Variants in OSBPL5 observed in about 807,000 individuals in gnomAD.
OSBPL5 encodes oxysterol binding protein like 5, also known as oxysterol-binding protein-related protein 5.
A neutral mutation model predicts 111.2 loss-of-function variants in OSBPL5; 71 were observed. That is an observed-to-expected ratio of 0.64 (90% confidence interval 0.53 to 0.78). The LOEUF is 0.78. OSBPL5 is among the 30% of genes least tolerant of loss of function. OSBPL5 has a pLI of 0.00. For missense variants in OSBPL5, 1,210 were observed against 1,189.3 expected (o/e 1.02, Z -0.26); for synonymous variants, 549 against 513.9 (o/e 1.07, Z -0.93).
At chr11:3,133,676 G>A (rs1562359) in intron 1 of OSBPL5, among the ~76,000 whole-genome samples, 3,668 of 152,298 alleles carry the variant, frequency 0.024, 176 homozygotes, top group African/African-American at 0.084. Flanking sequence ...ACCCTTTTCC[G>A]CCACTGTGCA....
chr11:3,129,201 T>C lies in OSBPL5; in HGVS notation c.-21-32A>G, dbSNP rs1590692683. On this transcript the variant is annotated intron_variant, in intron 1 of 21. Transcript: ENST00000263650. The stretch of plus-strand genomic sequence containing the variant: ...GGAAGGAAGGAGGGGCAGCAGGAGG[T>C]CACCGCCCCGGAAGGGGCTTCAGAG... 2.9e-6 allele frequency: 4 copies of C among 1,359,372 alleles called. No homozygotes were observed. The Admixed American group carries it at 1.1e-4, about 37-fold the overall frequency. The allele number at this position is 1,359,372 out of a possible 1,614,324, so 84.2% of individuals were successfully genotyped here. A position where few individuals can be genotyped will look rare whatever the true frequency, so the allele number is the denominator to read the frequency against.
chr11:3,089,940 T>C lies in OSBPL5; in HGVS notation c.2407A>G (p.Ser803Gly). 1 of 1,550,296 alleles carries C rather than the reference T, an allele frequency of 6.5e-7. No homozygotes were observed. Among genetic ancestry groups the C allele is most frequent in the Non-Finnish European group, 8.7e-7 (1 of 1,145,968 alleles). ...QDGDFVPGGESPCPRCRKEAR... is the reference protein window; with the variant it reads ...QDGDFVPGGEGPCPRCRKEAR... ...TCCTTCCTGCACCGAGGGCATGGGCTCTCACCGCCTGGGACGGCCCCGAGT... is the reference window on the plus strand; with the variant it reads ...TCCTTCCTGCACCGAGGGCATGGGCCCTCACCGCCTGGGACGGCCCCGAGT... The change falls in exon 21 of 22, where the codon AGC (serine) becomes GGC (glycine). Residue 803 changes from serine (S) to glycine (G), a missense_variant. By Grantham distance (56) the Ser-to-Gly change is moderately conservative. Coordinates refer to ENST00000263650, the MANE Select transcript of OSBPL5 (RefSeq NM_020896.4).
intron 3 of OSBPL5, 84 bp from the exon 4 acceptor site, chr11:3,122,512 A>G (rs935807695): frequency 1.6e-6 from 2 of 1,279,010 alleles, no homozygotes; most frequent in Non-Finnish European, 2.2e-6. Flanking sequence ...TGCCAAGGAT[A>G]TGAGGGCAGA....
chr11:3,140,349 G>A lies in OSBPL5; in HGVS notation c.-21-11180C>T, dbSNP rs1485221981. ...AAGCTCTCCCCTGTATCCCTCAGGT[G>A]CTGGACAGGCAGGGTAGGGCTCACA... is the stretch of plus-strand genomic sequence containing the variant. On this transcript the variant is annotated intron_variant, in intron 1 of 21. Coordinates refer to ENST00000263650, the MANE Select transcript of OSBPL5 (RefSeq NM_020896.4). The surrounding 1 kb of genome is among the most constrained non-coding windows in gnomAD (Gnocchi z 4.5). Among the ~76,000 whole-genome samples, 1 of 152,188 alleles carries A rather than the reference G, an allele frequency of 6.6e-6. No homozygotes were observed. The highest frequency in any genetic ancestry group is 6.5e-5 in the Admixed American group (1 of 15,286).
At chr11:3,138,947 C>A (rs574896677) in intron 1 of OSBPL5, among the ~76,000 whole-genome samples, 3 of 152,248 alleles carry the variant, frequency 2.0e-5, no homozygotes, top group Non-Finnish European at 4.4e-5. Context: ...AAGACCAGAG[C>A]AAAACAAAGA....
intron 14 of OSBPL5, among the ~76,000 whole-genome samples, chr11:3,095,428 G>A (rs1425881150): frequency 6.6e-6 from 1 of 152,136 alleles, no homozygotes; most frequent in Non-Finnish European, 1.5e-5. Flanking sequence ...CGGGAGAAAT[G>A]GTCGATTTGA....
At chr11:3,095,310 C>CAAAAAA (rs60973769) in intron 14 of OSBPL5, among the ~76,000 whole-genome samples, 3 of 105,676 alleles carry the variant, frequency 2.8e-5, no homozygotes, top group Non-Finnish European at 5.8e-5. Flanking sequence ...GACTCTGTCT[C>CAAAAAA]AAAAAAAAAA....
At chr11:3,112,725 T>C (rs1858048665) in intron 7 of OSBPL5, among the ~76,000 whole-genome samples, 1 of 152,160 alleles carries the variant, frequency 6.6e-6, no homozygotes, top group Admixed American at 6.5e-5. Context: ...CTACATAAAA[T>C]TGGTCTCCTT....
rs1047405097 is a variant in OSBPL5 at position 3,142,739 on chromosome 11, G to A, written c.-21-13570C>T. ...TGTCCGCGGGGCCCGGCAGGAAGTC[G>A]TGTGCAGGGGTGGAGGCTGGAAGAC... is the stretch of plus-strand genomic sequence containing the variant. On this transcript the variant is annotated intron_variant, in intron 1 of 21. Coordinates refer to ENST00000263650, the MANE Select transcript of OSBPL5 (RefSeq NM_020896.4). The surrounding 1 kb of genome is among the most constrained non-coding windows in gnomAD (Gnocchi z 7.1). Among the ~76,000 whole-genome samples, 2 of 152,072 alleles carry A rather than the reference G, an allele frequency of 1.3e-5. No homozygotes were observed. The highest frequency in any genetic ancestry group is 2.4e-5 in the African/African-American group (1 of 41,402).
At chr11:3,100,971 C>CTTT (rs1196891233) in intron 13 of OSBPL5, among the ~76,000 whole-genome samples, 8 of 123,416 alleles carry the variant, frequency 6.5e-5, no homozygotes, top group South Asian at 2.6e-4. Flanking sequence ...AGTTTCATTT[C>CTTT]TTTTTTTTTT....
chr11:3,088,607 A>G (rs898884727), intron 21 of OSBPL5, among the ~76,000 whole-genome samples: 1 of 151,928 alleles, frequency 6.6e-6, no homozygotes, highest in African/African-American at 2.4e-5. Context: ...AGCCTTTTAC[A>G]TCCTCCCTCC....
intron 1 of OSBPL5, among the ~76,000 whole-genome samples, chr11:3,131,337 C>T (rs1337089983): frequency 6.6e-6 from 1 of 151,688 alleles, no homozygotes; most frequent in Non-Finnish European, 1.5e-5. Flanking sequence ...CATACATCTC[C>T]CTTCCAGGCA....
In OSBPL5 at chr11:3,107,602, C is replaced by T. The variant is rs1051982541; in HGVS notation, c.867-147G>A. ...AACCCACATTTGACACGATCAGCCC[C>T]GTTTTAGAGGAAGGAACCGAGGCTC... On this transcript the variant is annotated intron_variant, in intron 8 of 21. Transcript: ENST00000263650. This position sits in a 1 kb window ranked among gnomAD's most constrained non-coding sequence, Gnocchi z 6.1. 1.5e-6 allele frequency: 2 copies of T among 1,353,706 alleles called. No homozygotes were observed. Among genetic ancestry groups the T allele is most frequent in the South Asian group, 1.3e-5 (1 of 75,592 alleles). 83.9% of individuals were successfully genotyped at this position (1,353,706 alleles called of 1,614,324 possible). A position where few individuals can be genotyped will look rare whatever the true frequency, so the allele number is the denominator to read the frequency against.
intron 1 of OSBPL5, among the ~76,000 whole-genome samples, chr11:3,143,232 G>A (rs1162128529): frequency 1.8e-5 from 2 of 112,888 alleles, no homozygotes; most frequent in Non-Finnish European, 3.7e-5. Context: ...GGCAGGTGCG[G>A]GGGGGGCAGA....
At chr11:3,103,881 T>TAGCCCCCTTCCTGCCTCTGC (rs1282989940) in intron 10 of OSBPL5, among the ~76,000 whole-genome samples, 1 of 49,826 alleles carries the variant, frequency 2.0e-5, no homozygotes, top group Non-Finnish European at 4.5e-5. Flanking sequence ...CCTGCCTCTG[T>TAGCCCCCTTCCTGCCTCTGC]AGCCCCATTC....
rs574479804 is a variant in OSBPL5 at position 3,138,428 on chromosome 11, C to T, written c.-21-9259G>A. 1.1e-4 allele frequency among the ~76,000 whole-genome samples: 16 copies of T among 152,284 alleles called. No individual in the cohort carries two copies. The East Asian group carries it at 2.5e-3, about 24-fold the overall frequency. ...CAGCCAGGTGGCAGCAGGGGTCAGC[C>T]GGGGAGGGAGGGGTAAGGGAGTGGG... is the stretch of plus-strand genomic sequence containing the variant. On this transcript the variant is annotated intron_variant, in intron 1 of 21. Coordinates refer to ENST00000263650, the MANE Select transcript of OSBPL5 (RefSeq NM_020896.4).
intron 7 of OSBPL5, among the ~76,000 whole-genome samples, chr11:3,112,022 TGC>T (rs1491499573): frequency 1.3e-4 from 8 of 59,580 alleles, no homozygotes; most frequent in Non-Finnish European, 3.4e-4. Flanking sequence ...CGCATGTGTG[TGC>T]ATGTGTGTGT....
At chr11:3,101,761 G>A in intron 12 of OSBPL5, 62 bp from the exon 13 acceptor site, 1 of 1,399,216 alleles carries the variant, frequency 7.1e-7, no homozygotes, top group Non-Finnish European at 1.0e-6. Context: ...GGAAGCGAGA[G>A]CCCAGCTTCC....
rs1488068888 is a variant in OSBPL5 at position 3,110,324 on chromosome 11, G to GC, written c.692-2380dup. Among the ~76,000 whole-genome samples the GC allele has an allele frequency of 6.6e-6, 1 of 152,208 alleles. No homozygotes were observed. Among genetic ancestry groups the GC allele is most frequent in the Admixed American group, 6.5e-5 (1 of 15,284 alleles). The stretch of plus-strand genomic sequence containing the variant: ...CCACTGGAGGGCGAGGTGGGGTAGG[G>GC]CCCCAACCTCAGGTTAGAGGGAGGA... On this transcript the variant is annotated intron_variant, in intron 7 of 21. Coordinates refer to ENST00000263650, the MANE Select transcript of OSBPL5 (RefSeq NM_020896.4). This position sits in a 1 kb window ranked among gnomAD's most constrained non-coding sequence, Gnocchi z 5.3.
Sources: allele counts gnomAD v4.1 joint callset (sites outside exome capture counted in the v4.1 genomes callset), GRCh38; gene constraint gnomAD v4.1.1; non-coding constraint Gnocchi (gnomAD v3.1); transcripts MANE v1.5; gene names NCBI Gene and HGNC (gene_info 2026-07-23, HGNC 2026-07-21).